The following CSMD1 variants were observed in gnomAD, a reference collection of about 807,000 sequenced individuals.
The protein encoded by CSMD1 is CUB and Sushi multiple domains 1.
A neutral mutation model predicts 417.5 loss-of-function variants in CSMD1; 213 were observed. The ratio of observed to expected loss-of-function variants is 0.51; its 90% CI spans 0.46 to 0.57. The LOEUF is 0.57. CSMD1 is among the 20% of genes least tolerant of loss of function. The pLI, the probability that CSMD1 is intolerant of heterozygous loss-of-function variation, is 0.00. For missense variants in CSMD1, 6,923 were observed against 4,529.7 expected, an observed-to-expected ratio of 1.53 and a Z score of -15.17; for synonymous variants, 2,862 against 1,736.8, an observed-to-expected ratio of 1.65 and a Z score of -16.11.
At chr8:4,553,518 G>A (rs1037032820) in intron 2 of CSMD1, among the ~76,000 whole-genome samples, 2 of 150,534 alleles carry the variant, frequency 1.3e-5, no homozygotes, top group African/African-American at 4.9e-5. Flanking sequence ...CTTAAAAAGA[G>A]TTTTGATGTT....
chr8:4,879,796 C>A (rs1057110441), intron 1 of CSMD1, among the ~76,000 whole-genome samples: 1 of 151,968 alleles, frequency 6.6e-6, no homozygotes, highest in Non-Finnish European at 1.5e-5. Flanking sequence ...TGCATTTAAC[C>A]ATGTATGCAT....
chr8:3,935,534 A>C (rs10087861), intron 5 of CSMD1, among the ~76,000 whole-genome samples: 2,442 of 152,306 alleles, frequency 0.016, 70 homozygotes, highest in African/African-American at 0.056. Context: ...GGTAACTTTC[A>C]TAATAACCCA....
At chr8:4,191,163 G>A (rs369521126) in intron 3 of CSMD1, among the ~76,000 whole-genome samples, 7 of 152,302 alleles carry the variant, frequency 4.6e-5, no homozygotes, top group East Asian at 1.9e-4. Context: ...TTGGGAGGCC[G>A]AGGCAGGTGG....
At chr8:4,380,410 G>C (rs1173258114) in intron 3 of CSMD1, among the ~76,000 whole-genome samples, 1 of 152,142 alleles carries the variant, frequency 6.6e-6, no homozygotes, top group Non-Finnish European at 1.5e-5. Flanking sequence ...GAAAACATCA[G>C]AAACATCACA....
At chr8:3,737,996 T>G (rs548782735) in intron 6 of CSMD1, among the ~76,000 whole-genome samples, 38 of 152,288 alleles carry the variant, frequency 2.5e-4, no homozygotes, top group African/African-American at 9.1e-4. Flanking sequence ...AAGAATGCAG[T>G]GACAAACTAA....
At chr8:3,516,489 C>G (rs534373548) in intron 10 of CSMD1, among the ~76,000 whole-genome samples, 22 of 152,264 alleles carry the variant, frequency 1.4e-4, no homozygotes, top group African/African-American at 5.3e-4. Context: ...TGTGAAGAGG[C>G]TGTAGTATCT....
chr8:4,354,759 A>G (rs1801298907), intron 3 of CSMD1, among the ~76,000 whole-genome samples: 1 of 152,180 alleles, frequency 6.6e-6, no homozygotes, highest in Non-Finnish European at 1.5e-5. Context: ...AATTCCTTTT[A>G]TAGATTTCCC....
At chr8:3,750,940 C>A (rs768792430) in intron 6 of CSMD1, among the ~76,000 whole-genome samples, 16 of 152,112 alleles carry the variant, frequency 1.1e-4, no homozygotes, top group African/African-American at 2.4e-4. Context: ...GTGCACCATG[C>A]GCCCTCTAAG....
intron 3 of CSMD1, among the ~76,000 whole-genome samples, chr8:4,156,001 T>TA (rs1384917681): frequency 6.6e-6 from 1 of 152,140 alleles, no homozygotes; most frequent in Admixed American, 6.5e-5. Flanking sequence ...CAAAAAAGCC[T>TA]AATGGAGTCA....
At chr8:4,465,435 G>C (rs1217660) in intron 2 of CSMD1, among the ~76,000 whole-genome samples, 141,589 of 152,192 alleles carry the variant, frequency 0.93, 65,988 homozygotes, top group African/African-American at 0.98. Flanking sequence ...GTTCACCATT[G>C]ACACCATCCT....
intron 1 of CSMD1, among the ~76,000 whole-genome samples, chr8:4,792,845 G>A (rs947160827): frequency 6.6e-6 from 1 of 152,040 alleles, no homozygotes; most frequent in Admixed American, 6.6e-5. Context: ...AATTTTAACA[G>A]GTCTCTCCAG....
At position 3,157,930 on chromosome 8, in the gene CSMD1, G is replaced by T. The variant is rs1585508454; in HGVS notation, c.5881C>A (p.Arg1961Ser). Residue 1961 changes from arginine (R) to serine (S), a missense_variant, in exon 39 of 70, where the codon CGC becomes AGC. Transcript: ENST00000635120. ...AGGGGAGACGGATAGTTCCAACGGC[G>T]AACGGTCCCTGGCATACAGGAAATG... ...SHISCMPGTVRRWNYPSPLCI... is the reference protein window; with the variant it reads ...SHISCMPGTVSRWNYPSPLCI... 2 of 1,555,008 alleles carry T rather than the reference G, an allele frequency of 1.3e-6. No homozygotes were observed. The highest frequency in any genetic ancestry group is 1.7e-6 in the Non-Finnish European group (2 of 1,148,896).
At chr8:3,586,311 T>G in intron 8 of CSMD1, 51 bp from the exon 9 acceptor site, 2 of 1,473,656 alleles carry the variant, frequency 1.4e-6, no homozygotes, top group East Asian at 4.7e-5. Context: ...ACAGAAGACT[T>G]CTTTAGGAAA....
chr8:4,880,696 G>T (rs1803339031), intron 1 of CSMD1, among the ~76,000 whole-genome samples: 1 of 151,986 alleles, frequency 6.6e-6, no homozygotes, highest in African/African-American at 2.4e-5. Context: ...TGCCTGTTCT[G>T]CCCATCGCAT....
intron 5 of CSMD1, among the ~76,000 whole-genome samples, chr8:3,938,985 G>A (rs1193874547): frequency 6.6e-6 from 1 of 152,008 alleles, no homozygotes; most frequent in African/African-American, 2.4e-5. Context: ...ATGAGAGTGT[G>A]GAATGGGGTG....
At chr8:4,527,640 G>C (rs546447198) in intron 2 of CSMD1, among the ~76,000 whole-genome samples, 160 of 152,268 alleles carry the variant, frequency 1.1e-3, no homozygotes, top group Non-Finnish European at 2.0e-3. Flanking sequence ...CAGAACTATA[G>C]ATAAAATTTG....
chr8:4,863,713 ACTTATC>A (rs560614835), intron 1 of CSMD1, among the ~76,000 whole-genome samples: 1 of 152,134 alleles, frequency 6.6e-6, no homozygotes, highest in African/African-American at 2.4e-5. Flanking sequence ...ACAATAAAAG[ACTTATC>A]CTTTGAAAAA....
At chr8:3,739,483 A>G (rs919197232) in intron 6 of CSMD1, among the ~76,000 whole-genome samples, 5 of 152,216 alleles carry the variant, frequency 3.3e-5, no homozygotes, top group African/African-American at 9.7e-5. Context: ...CACTACACAT[A>G]TTATGTTTCA....
At chr8:4,372,391 A>G (rs1802447496) in intron 3 of CSMD1, among the ~76,000 whole-genome samples, 1 of 152,186 alleles carries the variant, frequency 6.6e-6, no homozygotes, top group Non-Finnish European at 1.5e-5. Context: ...GCTGCTGTCA[A>G]AAGGTAATCA....
Sources: allele counts gnomAD v4.1 joint callset (sites outside exome capture counted in the v4.1 genomes callset), GRCh38; gene constraint gnomAD v4.1.1; transcripts MANE v1.5; gene names NCBI Gene and HGNC (gene_info 2026-07-23, HGNC 2026-07-21).